CENPW: variants seen among roughly 807,000 people sequenced by gnomAD.
CENPW encodes the protein centromere protein W.
In CENPW, 3 loss-of-function variants were observed where a neutral mutation model predicts 11.1. The observed-to-expected ratio is 0.27, with a 90% CI of 0.12 to 0.70. CENPW has a LOEUF of 0.70. CENPW is among the 30% of genes least tolerant of loss of function. CENPW has a pLI of 0.77. For missense variants in CENPW, 100 were observed against 105.6 expected, an observed-to-expected ratio of 0.95 and a Z score of 0.23; for synonymous variants, 38 against 42.0, an observed-to-expected ratio of 0.91 and a Z score of 0.37.
At chr6:126,474,293 G>GT in the CENPW span, among the ~76,000 whole-genome samples, 153 of 151,954 alleles carry the variant, frequency 1.0e-3, no homozygotes, top group Non-Finnish European at 1.9e-3. Flanking sequence ...TAAAGCTCTT[G>GT]TTTTTTTGTT....
the CENPW span, among the ~76,000 whole-genome samples, chr6:126,433,568 A>T: frequency 6.6e-6 from 1 of 152,166 alleles, no homozygotes; most frequent in African/African-American, 2.4e-5. Flanking sequence ...AAAACTGAAG[A>T]GTGGAGAATA....
chr6:126,360,188 G>A, the CENPW span, among the ~76,000 whole-genome samples: 1 of 152,116 alleles, frequency 6.6e-6, no homozygotes, highest in South Asian at 2.1e-4. Flanking sequence ...ATGAAGTATA[G>A]TTTGGTATGA....
intron 2 of CENPW, among the ~76,000 whole-genome samples, chr6:126,346,739 G>A (rs1321866088): frequency 6.6e-6 from 1 of 152,136 alleles, no homozygotes; most frequent in Non-Finnish European, 1.5e-5. Context: ...CAGGAGAGCA[G>A]CATGGGGAAA....
the CENPW span, among the ~76,000 whole-genome samples, chr6:126,404,761 A>G: frequency 6.6e-6 from 1 of 151,850 alleles, no homozygotes; most frequent in African/African-American, 2.4e-5. Flanking sequence ...TAGTGATGTG[A>G]AGCATTTTTC....
the CENPW span, among the ~76,000 whole-genome samples, chr6:126,366,041 G>A: frequency 6.6e-6 from 1 of 152,138 alleles, no homozygotes; most frequent in Non-Finnish European, 1.5e-5. Flanking sequence ...TAGCATTAAA[G>A]TTTAAGGCTT....
At chr6:126,353,475 TAAAA>T (rs1319862612), downstream of CENPW, among the ~76,000 whole-genome samples, 1 of 152,040 alleles carries the variant, frequency 6.6e-6, no homozygotes, top group African/African-American at 2.4e-5. Flanking sequence ...ATGTCTTTTT[TAAAA>T]AAATCTGTTG....
the CENPW span, among the ~76,000 whole-genome samples, chr6:126,415,584 A>G: frequency 6.6e-6 from 1 of 152,122 alleles, no homozygotes; most frequent in Non-Finnish European, 1.5e-5. Context: ...TCCCCACCCA[A>G]ATCTCCTCTT....
At chr6:126,357,678 G>A in the CENPW span, among the ~76,000 whole-genome samples, 2 of 151,112 alleles carry the variant, frequency 1.3e-5, no homozygotes, top group East Asian at 1.9e-4. Context: ...GTGCAATTTC[G>A]GCTCACTGCA....
At chr6:126,421,656 T>C in the CENPW span, among the ~76,000 whole-genome samples, 1 of 151,978 alleles carries the variant, frequency 6.6e-6, no homozygotes, top group Non-Finnish European at 1.5e-5. Context: ...TTCCATTTTT[T>C]CCCCTAGTCT....
the CENPW span, among the ~76,000 whole-genome samples, chr6:126,465,677 T>C: frequency 6.6e-6 from 1 of 151,978 alleles, no homozygotes; most frequent in African/African-American, 2.4e-5. Flanking sequence ...AGAAATTAGC[T>C]GATGAAAAAA....
At chr6:126,432,065 AC>A in the CENPW span, among the ~76,000 whole-genome samples, 1 of 127,726 alleles carries the variant, frequency 7.8e-6, no homozygotes, top group African/African-American at 3.2e-5. Context: ...ACTCCATCTC[AC>A]AAAAAAAAAA....
the CENPW span, among the ~76,000 whole-genome samples, chr6:126,422,702 G>A: frequency 6.6e-6 from 1 of 152,010 alleles, no homozygotes; most frequent in Non-Finnish European, 1.5e-5. Context: ...AATTTGATCT[G>A]CCTTCACTCT....
At chr6:126,444,074 A>G in the CENPW span, among the ~76,000 whole-genome samples, 1 of 150,006 alleles carries the variant, frequency 6.7e-6, no homozygotes, top group African/African-American at 2.4e-5. Flanking sequence ...TTTCCTTTAT[A>G]AGTGACTTGG....
chr6:126,473,797 T>C, the CENPW span, among the ~76,000 whole-genome samples: 1 of 150,500 alleles, frequency 6.6e-6, no homozygotes, highest in Non-Finnish European at 1.5e-5. Flanking sequence ...ATATAGAATA[T>C]ATATGCACAG....
chr6:126,458,523 C>G, the CENPW span, among the ~76,000 whole-genome samples: 1 of 151,076 alleles, frequency 6.6e-6, no homozygotes, highest in South Asian at 2.1e-4. Context: ...CTTTTTCTAC[C>G]AGCCTGTTAC....
chr6:126,421,754 A>G, the CENPW span, among the ~76,000 whole-genome samples: 1 of 152,070 alleles, frequency 6.6e-6, no homozygotes, highest in African/African-American at 2.4e-5. Context: ...TTGTAGCCGA[A>G]TGAATGCAAT....
chr6:126,398,228 A>C, the CENPW span, among the ~76,000 whole-genome samples: 1 of 152,202 alleles, frequency 6.6e-6, no homozygotes, highest in Non-Finnish European at 1.5e-5. Flanking sequence ...TACTTGTATA[A>C]TTAAATTGTC....
At chr6:126,363,762 A>G in the CENPW span, among the ~76,000 whole-genome samples, 1 of 152,192 alleles carries the variant, frequency 6.6e-6, no homozygotes, top group Non-Finnish European at 1.5e-5. Context: ...ATCTCCTATC[A>G]ACCTTATCTC....
the CENPW span, among the ~76,000 whole-genome samples, chr6:126,409,114 T>C: frequency 6.6e-6 from 1 of 152,112 alleles, no homozygotes; most frequent in Non-Finnish European, 1.5e-5. Context: ...TATTACTGCT[T>C]TTGCTATATC....
Sources: gnomAD v4.1 joint callset for allele counts (sites outside exome capture counted in the v4.1 genomes callset) on GRCh38, gnomAD v4.1.1 for gene constraint, MANE v1.5 for transcripts, NCBI Gene and HGNC (gene_info 2026-07-23, HGNC 2026-07-21) for gene names.